PFKFB3: variants seen among roughly 807,000 people sequenced by gnomAD.
The protein encoded by PFKFB3 is 6-phosphofructo-2-kinase/fructose-2,6-bisphosphatase 3.
PFKFB3 carries 33 observed loss-of-function variants against 68.0 expected under a neutral mutation model. That is an observed-to-expected ratio of 0.49 (90% confidence interval 0.37 to 0.65). The LOEUF (loss-of-function observed/expected upper bound fraction) is 0.65, where lower values mean the gene tolerates loss of function less well. Ranked by LOEUF, PFKFB3 falls within the 30% of genes least tolerant of loss-of-function variation. PFKFB3 has a pLI of 0.00. For missense variants in PFKFB3, 586 were observed against 712.2 expected, an observed-to-expected ratio of 0.82 and a Z score of 2.02; for synonymous variants, 315 against 288.2, an observed-to-expected ratio of 1.09 and a Z score of -0.94.
chr10:6,240,695 T>C (rs1413263946), intron 14 of PFKFB3, among the ~76,000 whole-genome samples: 2 of 152,176 alleles, frequency 1.3e-5, no homozygotes, highest in Non-Finnish European at 2.9e-5. Flanking sequence ...TGAGTTAACA[T>C]GATTAGTACA....
At chr10:6,291,945 GTTTTTTTTTTTTTT>G in the PFKFB3 span, among the ~76,000 whole-genome samples, 1 of 94,348 alleles carries the variant, frequency 1.1e-5, no homozygotes, top group Non-Finnish European at 2.1e-5. Flanking sequence ...GAAACCAGTG[GTTTTTTTTTTTTTT>G]TTTTTTTTTT....
chr10:6,314,011 C>T, the PFKFB3 span, among the ~76,000 whole-genome samples: 21,578 of 152,192 alleles, frequency 0.14, 1,642 homozygotes, highest in Non-Finnish European at 0.16. Flanking sequence ...GAATGGGACG[C>T]GAAATCCAGA....
intron 1 of PFKFB3, among the ~76,000 whole-genome samples, chr10:6,173,572 T>C (rs1842374182): frequency 6.6e-6 from 1 of 152,012 alleles, no homozygotes; most frequent in Non-Finnish European, 1.5e-5. Flanking sequence ...TTTGAGGTAG[T>C]GCAGAAAATA....
At chr10:6,271,484 G>A in the PFKFB3 span, among the ~76,000 whole-genome samples, 33 of 152,300 alleles carry the variant, frequency 2.2e-4, no homozygotes, top group Non-Finnish European at 2.6e-4. Flanking sequence ...GGAAGGGCTG[G>A]GAAGCCGAAT....
chr10:6,263,418 G>A, the PFKFB3 span, among the ~76,000 whole-genome samples: 1 of 152,240 alleles, frequency 6.6e-6, no homozygotes, highest in South Asian at 2.1e-4. Context: ...TCACAGTGCT[G>A]CAGAGATTTT....
At chr10:6,183,937 G>A (rs868064415) in intron 1 of PFKFB3, among the ~76,000 whole-genome samples, 1 of 151,502 alleles carries the variant, frequency 6.6e-6, no homozygotes, top group Non-Finnish European at 1.5e-5. Context: ...TGATCCACCC[G>A]CCTCGCCCTC....
the PFKFB3 span, among the ~76,000 whole-genome samples, chr10:6,269,376 C>T: frequency 6.6e-6 from 1 of 152,204 alleles, no homozygotes; most frequent in Non-Finnish European, 1.5e-5. Context: ...CCAGGCTGGT[C>T]TTGAACTCCT....
At chr10:6,232,603 G>A (rs1471666917) in intron 14 of PFKFB3, among the ~76,000 whole-genome samples, 2 of 152,172 alleles carry the variant, frequency 1.3e-5, no homozygotes, top group African/African-American at 2.4e-5. Context: ...CTGGTGCCCA[G>A]CGCCGCGCAG....
chr10:6,218,507 C>T (rs2131966557), intron 6 of PFKFB3, among the ~76,000 whole-genome samples: 1 of 152,190 alleles, frequency 6.6e-6, no homozygotes, highest in East Asian at 1.9e-4. Context: ...TGGCTCACTG[C>T]AACCTCTGCC....
At chr10:6,273,307 G>A in the PFKFB3 span, among the ~76,000 whole-genome samples, 28 of 152,250 alleles carry the variant, frequency 1.8e-4, no homozygotes, top group Admixed American at 1.6e-3. Flanking sequence ...AAACAAAAAT[G>A]AGGCCTGGAG....
intron 1 of PFKFB3, among the ~76,000 whole-genome samples, chr10:6,176,968 G>A (rs1842491196): frequency 6.6e-6 from 1 of 152,158 alleles, no homozygotes; most frequent in African/African-American, 2.4e-5. Context: ...GGCTGTCACT[G>A]GGCTCCAGGA....
At chr10:6,303,271 CAAGAA>C in the PFKFB3 span, among the ~76,000 whole-genome samples, 1 of 151,680 alleles carries the variant, frequency 6.6e-6, no homozygotes, top group Non-Finnish European at 1.5e-5. Context: ...CAAGAACAAA[CAAGAA>C]AAAGAAAAAG....
the PFKFB3 span, among the ~76,000 whole-genome samples, chr10:6,260,587 C>T: frequency 6.6e-6 from 1 of 152,132 alleles, no homozygotes; most frequent in East Asian, 1.9e-4. Flanking sequence ...GCATGTATCC[C>T]CAAGTGCTAT....
chr10:6,281,939 A>C, the PFKFB3 span, among the ~76,000 whole-genome samples: 2 of 150,900 alleles, frequency 1.3e-5, no homozygotes, highest in African/African-American at 4.8e-5. Context: ...ATAAATCCTG[A>C]AGGACTCAGA....
At position 6,206,486 on chromosome 10, in the gene PFKFB3, T is replaced by C. The variant is rs1375672383; in HGVS notation, c.76+3150T>C. ...TGTTGGGTACACCTCCCAGACGGGG[T>C]GGTGGCCGGGCAGAGGGGCTCCTCA... On this transcript the variant is annotated intron_variant, in intron 1 of 14. Transcript: ENST00000379775. Among the ~76,000 whole-genome samples, 100 of 97,066 alleles carry C rather than the reference T, an allele frequency of 1.0e-3. 3 individuals are homozygous for C. The highest frequency in any genetic ancestry group is 4.7e-3 in the African/African-American group (92 of 19,698). The allele number at this position is 97,066 out of a possible 152,430, so 63.7% of individuals were successfully genotyped here. A position where few individuals can be genotyped will look rare whatever the true frequency, so the allele number is the denominator to read the frequency against.
At chr10:6,267,225 T>C in the PFKFB3 span, among the ~76,000 whole-genome samples, 1 of 152,224 alleles carries the variant, frequency 6.6e-6, no homozygotes, top group Non-Finnish European at 1.5e-5. Flanking sequence ...TGTATCTTGT[T>C]CTTATGAGAA....
the PFKFB3 span, among the ~76,000 whole-genome samples, chr10:6,298,029 G>A: frequency 1.3e-5 from 2 of 152,282 alleles, no homozygotes; most frequent in East Asian, 3.9e-4. Context: ...AAGTCACTAT[G>A]TTCTATTTAG....
At chr10:6,294,477 G>A in the PFKFB3 span, 10 of 233,976 alleles carry the variant, frequency 4.3e-5, no homozygotes, top group African/African-American at 9.1e-5. Context: ...ATCAGATCTC[G>A]TGAGACTTAT....
intron 1 of PFKFB3, among the ~76,000 whole-genome samples, chr10:6,177,438 C>CTTTCTTTCTTTCTTCCTT (rs1554842946): frequency 6.9e-5 from 6 of 86,716 alleles, no homozygotes; most frequent in African/African-American, 2.5e-4. Context: ...TCTTTTCTTT[C>CTTTCTTTCTTTCTTCCTT]TCTTTCTTTC....
Sources: allele counts gnomAD v4.1 joint callset (sites outside exome capture counted in the v4.1 genomes callset), GRCh38; gene constraint gnomAD v4.1.1; transcripts MANE v1.5; gene names NCBI Gene and HGNC (gene_info 2026-07-23, HGNC 2026-07-21).